Variants in STS observed in about 807,000 individuals in gnomAD.
STS encodes the protein steryl-sulfatase.
Under a neutral mutation model 26.8 loss-of-function variants are expected in STS, and 7 were observed. The observed-to-expected ratio is 0.26, with a 90% confidence interval of 0.15 to 0.49. The LOEUF is 0.49. Ranked by LOEUF, STS falls within the 20% of genes least tolerant of loss-of-function variation. The pLI is 0.98. For synonymous variants in STS, 199 were observed against 189.4 expected, an observed-to-expected ratio of 1.05 and a Z score of -0.42; for missense variants, 434 against 465.6, an observed-to-expected ratio of 0.93 and a Z score of 0.63.
At chrX:7,232,949 G>A (rs1471706022) in intron 2 of STS, among the ~76,000 whole-genome samples, 8 of 110,855 alleles carry the variant, frequency 7.2e-5, no homozygotes, top group African/African-American at 6.6e-5. Context: ...CTCTCCTGTC[G>A]CCATGCAAAG....
At chrX:7,291,349 T>C (rs1410548694) in intron 7 of STS, among the ~76,000 whole-genome samples, 1 of 111,504 alleles carries the variant, frequency 9.0e-6, no homozygotes, top group African/African-American at 3.3e-5. Flanking sequence ...CTTGGGGAGG[T>C]AAACACTTAG....
At chrX:7,240,963 G>A (rs1213784257) in intron 2 of STS, among the ~76,000 whole-genome samples, 1 of 111,137 alleles carries the variant, frequency 9.0e-6, no homozygotes, top group African/African-American at 3.3e-5. Context: ...TCTGGATAAA[G>A]ATAAATGCCC....
intron 1 of STS, among the ~76,000 whole-genome samples, chrX:7,166,316 T>A (rs1933349688): frequency 9.0e-6 from 1 of 111,433 alleles, no homozygotes; most frequent in Non-Finnish European, 1.9e-5. Context: ...CTGCATTATC[T>A]TATATTTTGC....
chrX:7,172,003 T>C (rs1425980622), intron 1 of STS, among the ~76,000 whole-genome samples: 1 of 112,075 alleles, frequency 8.9e-6, no homozygotes, highest in Non-Finnish European at 1.9e-5. Flanking sequence ...TGCGCGATCA[T>C]CACCATAAAT....
intron 2 of STS, among the ~76,000 whole-genome samples, chrX:7,230,284 A>G (rs1363822613): frequency 9.0e-6 from 1 of 111,564 alleles, no homozygotes; most frequent in East Asian, 2.8e-4. Flanking sequence ...CACTCTAGAA[A>G]ACATTCTGGT....
chrX:7,275,702 A>T (rs1397221030), intron 6 of STS, among the ~76,000 whole-genome samples: 1 of 110,977 alleles, frequency 9.0e-6, no homozygotes, highest in Non-Finnish European at 1.9e-5. Context: ...TCTTTGGGGG[A>T]TGTCTCAATA....
At chrX:7,231,147 G>A (rs181863610) in intron 2 of STS, among the ~76,000 whole-genome samples, 124 of 112,003 alleles carry the variant, frequency 1.1e-3, no homozygotes, top group African/African-American at 3.9e-3. Flanking sequence ...AGGCAGATCC[G>A]TAGAGAGAAA....
At position 7,304,975 on chromosome X, in the gene STS, G is replaced by A. The variant is rs1926142854; in HGVS notation, c.944-71G>A. On this transcript the variant is annotated intron_variant, in intron 7 of 10. Coordinates refer to ENST00000674429, the MANE Select transcript of STS (RefSeq NM_001320752.2). ...CACCTTGAGAAATTAGCCACCCACT[G>A]AGTAGGGCAACCATCTCCATTTGCT... 1.0e-5 allele frequency: 12 copies of A among 1,166,943 alleles called. No homozygotes were observed. In the Admixed American group the frequency reaches 2.6e-4, roughly 26 times the overall value.
intron 10 of STS, among the ~76,000 whole-genome samples, chrX:7,344,938 A>AT (rs1376490501): frequency 9.0e-6 from 1 of 111,214 alleles, no homozygotes; most frequent in Non-Finnish European, 1.9e-5. Flanking sequence ...AGGCCTGGAA[A>AT]TGAGTGTCCT....
intron 2 of STS, among the ~76,000 whole-genome samples, chrX:7,216,192 C>G (rs186750802): frequency 8.9e-6 from 1 of 112,153 alleles, no homozygotes; most frequent in Non-Finnish European, 1.9e-5. Context: ...AGCAGACATG[C>G]ACCTGCACCC....
chrX:7,175,493 C>CAACAAAACAA (rs200425206), intron 1 of STS, among the ~76,000 whole-genome samples: 2,313 of 104,190 alleles, frequency 0.022, 21 homozygotes, highest in Middle Eastern at 0.072. Flanking sequence ...GACCTGGTCT[C>CAACAAAACAA]AACAAAACAA....
At chrX:7,156,358 G>GTA (rs1287410814) in intron 1 of STS, among the ~76,000 whole-genome samples, 1 of 110,385 alleles carries the variant, frequency 9.1e-6, no homozygotes, top group Non-Finnish European at 1.9e-5. Flanking sequence ...ATATATGTGT[G>GTA]TATATATATT....
rs966060552 is a variant in STS at position 7,351,611 on chromosome X, T to C, written c.*1350T>C. 9.0e-6 allele frequency: 1 copy of C among 111,720 alleles called. No homozygotes were observed. Among genetic ancestry groups the C allele is most frequent in the African/African-American group, 3.3e-5 (1 of 30,701 alleles). 9.2% of individuals were successfully genotyped at this position (111,720 alleles called of 1,213,427 possible). On this transcript the variant is annotated 3_prime_UTR_variant, in exon 11 of 11. Coordinates refer to ENST00000674429, the MANE Select transcript of STS (RefSeq NM_001320752.2). ...GTGATTGGATTCCTTTATGGCAAAATCGAGAGAAGCTGCCATCCACCTGCT... is the reference window on the plus strand; with the variant it reads ...GTGATTGGATTCCTTTATGGCAAAACCGAGAGAAGCTGCCATCCACCTGCT...
At chrX:7,312,540 A>G (rs989131526) in intron 8 of STS, among the ~76,000 whole-genome samples, 11 of 111,076 alleles carry the variant, frequency 9.9e-5, no homozygotes, top group African/African-American at 3.6e-4. Context: ...CATAATCCCC[A>G]CATGTCATGG....
intron 10 of STS, among the ~76,000 whole-genome samples, chrX:7,344,253 A>G (rs1928423085): frequency 9.0e-6 from 1 of 111,516 alleles, no homozygotes; most frequent in East Asian, 2.8e-4. Flanking sequence ...TACTAGTACT[A>G]TTGACATCTG....
Position 7,218,542 on chromosome X carries a change from A to T in STS, c.-5+27534A>T, listed in dbSNP as rs1308097476. On this transcript the variant is annotated intron_variant, in intron 2 of 10. Coordinates refer to ENST00000674429, the MANE Select transcript of STS (RefSeq NM_001320752.2). ...TCTATGTAATGCTAAGAATATAGAC[A>T]TCGCCTGGGGGCAGGTGGAGGTTGA... Among the ~76,000 whole-genome samples the T allele has an allele frequency of 2.8e-4, 31 of 112,462 alleles. 2 individuals are homozygous for T. Among genetic ancestry groups the T allele is most frequent in the Non-Finnish European group, 1.9e-5 (1 of 53,319 alleles).
intron 7 of STS, among the ~76,000 whole-genome samples, chrX:7,278,388 C>T (rs773435817): frequency 8.9e-5 from 10 of 111,833 alleles, no homozygotes; most frequent in Non-Finnish European, 1.5e-4. Flanking sequence ...GAGATGGAAG[C>T]GGTTAACTAG....
chrX:7,303,048 C>T (rs1319731665), intron 7 of STS, among the ~76,000 whole-genome samples: 1 of 111,321 alleles, frequency 9.0e-6, no homozygotes, highest in Non-Finnish European at 1.9e-5. Context: ...GCTGTGTCCC[C>T]ACCCAAATCT....
chrX:7,255,661 A>T (rs1253944299), intron 3 of STS, among the ~76,000 whole-genome samples: 3 of 111,956 alleles, frequency 2.7e-5, no homozygotes, highest in African/African-American at 9.7e-5. Context: ...GTAATATCAC[A>T]CCCCAAAATA....
Sources: allele counts gnomAD v4.1 joint callset (sites outside exome capture counted in the v4.1 genomes callset), GRCh38; gene constraint gnomAD v4.1.1; transcripts MANE v1.5; gene names NCBI Gene and HGNC (gene_info 2026-07-23, HGNC 2026-07-21).